The following CNIH3 variants were observed in gnomAD, a reference collection of about 807,000 sequenced individuals.
CNIH3 encodes cornichon family AMPA receptor auxiliary protein 3, also known as protein cornichon homolog 3.
A neutral mutation model predicts 24.1 loss-of-function variants in CNIH3; 14 were observed. The ratio of observed to expected loss-of-function variants is 0.58; its 90% confidence interval spans 0.38 to 0.91. The LOEUF is 0.91. CNIH3 is among the 40% of genes least tolerant of loss of function. CNIH3 has a pLI of 0.00. For missense variants in CNIH3, 178 were observed against 196.8 expected, an observed-to-expected ratio of 0.90 and a Z score of 0.57; for synonymous variants, 68 against 73.8, an observed-to-expected ratio of 0.92 and a Z score of 0.40.
chr1:224,584,245 G>A (rs992946874), intron 5 of CNIH3, among the ~76,000 whole-genome samples: 1 of 152,110 alleles, frequency 6.6e-6, no homozygotes, highest in Non-Finnish European at 1.5e-5. Flanking sequence ...AAAGGCATTA[G>A]AAAAAAGAAA....
intron 1 of CNIH3, among the ~76,000 whole-genome samples, chr1:224,520,763 C>A (rs1241018828): frequency 6.6e-6 from 1 of 152,154 alleles, no homozygotes; most frequent in Non-Finnish European, 1.5e-5. Flanking sequence ...CCTGCTTATT[C>A]CTTGCCTGCC....
rs961492732 is a variant in CNIH3 at position 224,658,340 on chromosome 1, A to AT, written c.82-22607dup. Reference sequence around the variant, plus strand: ...GTCACCATGCCCAGCTAATTTTTATATTTTTTTTTTTGTAGAGGTGAGGTT... The same window carrying AT: ...GTCACCATGCCCAGCTAATTTTTATATTTTTTTTTTTTGTAGAGGTGAGGTT... On this transcript the variant is annotated intron_variant, in intron 1 of 5. Coordinates refer to ENST00000272133, the MANE Select transcript of CNIH3 (RefSeq NM_152495.2). Among the ~76,000 whole-genome samples, 1,189 of 145,910 alleles carry AT rather than the reference A, an allele frequency of 8.1e-3. 15 individuals are homozygous for AT. The highest frequency in any genetic ancestry group is 0.027 in the African/African-American group (1,068 of 39,992).
intron 3 of CNIH3, among the ~76,000 whole-genome samples, chr1:224,721,869 C>T (rs147735884): frequency 1.4e-4 from 22 of 152,258 alleles, no homozygotes; most frequent in African/African-American, 4.6e-4. Context: ...GGAGAGCTCA[C>T]CTCCGTCCCA....
chr1:224,553,198 G>A (rs1679998796), intron 3 of CNIH3, among the ~76,000 whole-genome samples: 1 of 148,732 alleles, frequency 6.7e-6, no homozygotes, highest in Non-Finnish European at 1.5e-5. Flanking sequence ...ATATCACAGG[G>A]GGTATACCCC....
chr1:224,446,212 G>GTTTTTTTTT (rs35812016), intron 1 of CNIH3, among the ~76,000 whole-genome samples: 1 of 108,876 alleles, frequency 9.2e-6, no homozygotes, highest in African/African-American at 3.3e-5. Context: ...TTTCAACTTT[G>GTTTTTTTTT]TTTTTTTTTT....
intron 3 of CNIH3, among the ~76,000 whole-genome samples, chr1:224,606,047 T>G (rs973578231): frequency 6.6e-6 from 1 of 151,854 alleles, no homozygotes; most frequent in Non-Finnish European, 1.5e-5. Flanking sequence ...AACATGTAGG[T>G]GAGTGGGTGC....
intron 5 of CNIH3, 94 bp downstream of exon 5, chr1:224,734,800 G>C: frequency 7.4e-7 from 1 of 1,352,590 alleles, no homozygotes; most frequent in Non-Finnish European, 1.0e-6. Flanking sequence ...GGGAGATGGC[G>C]TGCGAGGGTG....
At chr1:224,634,036 A>G (rs1398431936) in intron 1 of CNIH3, among the ~76,000 whole-genome samples, 1 of 152,056 alleles carries the variant, frequency 6.6e-6, no homozygotes, top group Non-Finnish European at 1.5e-5. Context: ...TCTGGTGGGG[A>G]GGATGGATTT....
intron 1 of CNIH3, among the ~76,000 whole-genome samples, chr1:224,481,410 A>G (rs1676806787): frequency 6.6e-6 from 1 of 152,184 alleles, no homozygotes; most frequent in Non-Finnish European, 1.5e-5. Flanking sequence ...CAGGTATTTG[A>G]AGGGACTTGA....
At chr1:224,632,248 A>C (rs867952870) in intron 1 of CNIH3, among the ~76,000 whole-genome samples, 2 of 152,180 alleles carry the variant, frequency 1.3e-5, no homozygotes, top group Non-Finnish European at 2.9e-5. Context: ...CCGGGCCTCT[A>C]TGTCTCCCTA....
chr1:224,660,364 C>G (rs12567125), intron 1 of CNIH3, among the ~76,000 whole-genome samples: 37,442 of 151,992 alleles, frequency 0.25, 4,883 homozygotes, highest in East Asian at 0.36. Context: ...CTGGGTCCCT[C>G]CCACAACACA....
At chr1:224,605,641 T>C (rs1021487230) in intron 3 of CNIH3, among the ~76,000 whole-genome samples, 1 of 152,072 alleles carries the variant, frequency 6.6e-6, no homozygotes, top group Non-Finnish European at 1.5e-5. Flanking sequence ...CCTTTTGAGA[T>C]TTCTTTTCAG....
Position 224,730,463 on chromosome 1 carries a change from TG to T in CNIH3, c.202del (p.Val68CysfsTer26). The T allele has an allele frequency of 6.4e-7, 1 of 1,551,792 alleles. No homozygotes were observed. The highest frequency in any genetic ancestry group is 8.7e-7 in the Non-Finnish European group (1 of 1,145,360). ...GCCGTGTCTCTGCTCCCTCTTCAGC[TG>T]GTGCTGCCAGAATACTCCATCCATA... ...IERICFLLRK[L>X]VLPEYSIHSL... On this transcript the variant is annotated frameshift_variant and splice_region_variant, in exon 4 of 6. Transcript: ENST00000272133. LOFTEE classifies it high-confidence loss of function.
intron 3 of CNIH3, among the ~76,000 whole-genome samples, chr1:224,610,447 G>A (rs957901892): frequency 1.7e-4 from 26 of 152,150 alleles, no homozygotes; most frequent in Non-Finnish European, 8.8e-5. Context: ...AAAGTGTTTG[G>A]CAATTCCCTT....
chr1:224,525,945 T>A (rs1678827817), intron 2 of CNIH3, among the ~76,000 whole-genome samples: 1 of 151,848 alleles, frequency 6.6e-6, no homozygotes, highest in Admixed American at 6.6e-5. Context: ...TGCTTGAGGG[T>A]ATGTTGAAGG....
At chr1:224,570,273 T>C (rs1372409222) in intron 4 of CNIH3, among the ~76,000 whole-genome samples, 1 of 152,202 alleles carries the variant, frequency 6.6e-6, no homozygotes, top group Non-Finnish European at 1.5e-5. Context: ...CTGTCACCCA[T>C]GTAGTGAGCA....
At chr1:224,463,157 A>G (rs1572291189) in intron 1 of CNIH3, among the ~76,000 whole-genome samples, 1 of 151,974 alleles carries the variant, frequency 6.6e-6, no homozygotes, top group East Asian at 1.9e-4. Flanking sequence ...CGGCCTCCCA[A>G]AGTGTTGGGA....
chr1:224,616,098 T>C (rs1566386), upstream of CNIH3: 106,489 of 155,278 alleles, frequency 0.69, 37,866 homozygotes, highest in East Asian at 0.99. Flanking sequence ...CCAGCCCTGC[T>C]TGTACTGCTG....
intron 2 of CNIH3, among the ~76,000 whole-genome samples, chr1:224,529,738 A>C (rs1231190641): frequency 2.6e-5 from 4 of 152,112 alleles, no homozygotes; most frequent in Admixed American, 2.0e-4. Flanking sequence ...CTGATAAGGG[A>C]CTCCATGGGG....
Sources: gnomAD v4.1 joint callset for allele counts (sites outside exome capture counted in the v4.1 genomes callset) on GRCh38, gnomAD v4.1.1 for gene constraint, MANE v1.5 for transcripts, NCBI Gene and HGNC (gene_info 2026-07-23, HGNC 2026-07-21) for gene names.